RC3H1: variants seen among roughly 807,000 people sequenced by gnomAD.
RC3H1 encodes the protein ring finger and CCCH-type domains 1.
Under a neutral mutation model 138.2 loss-of-function variants are expected in RC3H1, and 50 were observed. That is an observed-to-expected ratio of 0.36 (90% CI 0.29 to 0.46). The LOEUF is 0.46. Ranked by LOEUF, RC3H1 falls within the 20% of genes least tolerant of loss-of-function variation. The probability of loss-of-function intolerance (pLI) is 1.00; values close to 1 mark genes in which losing one functional copy is unlikely to be tolerated. For synonymous variants in RC3H1, 462 were observed against 489.1 expected (o/e 0.94, Z 0.73); for missense variants, 1,031 against 1,388.1 (o/e 0.74, Z 4.09).
At chr1:173,982,658 GT>G in intron 5 of RC3H1, 68 bp downstream of exon 5, 1 of 1,374,304 alleles carries the variant, frequency 7.3e-7, no homozygotes, top group Non-Finnish European at 9.7e-7. Flanking sequence ...TAAACTCAAA[GT>G]TTTACTACTT....
intron 1 of RC3H1, among the ~76,000 whole-genome samples, chr1:174,002,509 C>A (rs928830443): frequency 1.6e-4 from 24 of 152,200 alleles, no homozygotes; most frequent in Non-Finnish European, 3.4e-4. Flanking sequence ...TCTTTCCCCA[C>A]TGGCATGCTT....
At chr1:173,948,927 AT>A (rs1659257083) in intron 14 of RC3H1, among the ~76,000 whole-genome samples, 1 of 151,932 alleles carries the variant, frequency 6.6e-6, no homozygotes, top group Non-Finnish European at 1.5e-5. Context: ...AATGAGTTTT[AT>A]TTTGCTAATA....
intron 18 of RC3H1, among the ~76,000 whole-genome samples, chr1:173,942,197 G>A (rs1053878782): frequency 4.0e-5 from 6 of 150,818 alleles, no homozygotes; most frequent in South Asian, 2.1e-4. Flanking sequence ...AGCTGAGATC[G>A]TGCCACTGCA....
At chr1:173,948,143 T>A (rs1160770710) in intron 14 of RC3H1, among the ~76,000 whole-genome samples, 1 of 152,182 alleles carries the variant, frequency 6.6e-6, no homozygotes, top group African/African-American at 2.4e-5. Flanking sequence ...TAATCACTTA[T>A]GCTAGATGCC....
chr1:173,954,821 A>C (rs1659563305), intron 13 of RC3H1, among the ~76,000 whole-genome samples: 2 of 152,182 alleles, frequency 1.3e-5, no homozygotes, highest in Admixed American at 1.3e-4. Context: ...AGAAACATTT[A>C]AAATTTTCTA....
rs1184402041 is a variant in RC3H1, at chr1:173,964,141, G to A, written c.1663C>T (p.His555Tyr). Residue 555 changes from histidine (H) to tyrosine (Y), a missense_variant, in exon 11 of 20, where the codon CAT becomes TAT. This residue lies in a region of RC3H1 where 716 missense variants were observed against 837.9 expected (regional missense o/e 0.85). Transcript: ENST00000367696. ...KSISALPVNP[H>Y]SIPPRGPADL... ...GCTGGCCCCCTTGGAGGTATAGAAT[G>A]TGGATTCACAGGTAAGGCAGAAATA... 1 of 1,614,098 alleles carries A rather than the reference G, an allele frequency of 6.2e-7. No individual in the cohort carries two copies. Among genetic ancestry groups the A allele is most frequent in the Non-Finnish European group, 8.5e-7 (1 of 1,179,984 alleles).
At chr1:174,008,784 C>G (rs1037787033) in intron 1 of RC3H1, among the ~76,000 whole-genome samples, 1 of 152,046 alleles carries the variant, frequency 6.6e-6, no homozygotes, top group Non-Finnish European at 1.5e-5. Flanking sequence ...TGAGACCAGC[C>G]TGACCAACAT....
chr1:173,992,697 CACAG>C (rs1553232043), intron 2 of RC3H1, 54 bp downstream of exon 2: 552 of 1,056,142 alleles, frequency 5.2e-4, no homozygotes, highest in Non-Finnish European at 6.1e-4. Flanking sequence ...CACACACACA[CACAG>C]AGAGAGAGAG....
chr1:173,947,054 G>T (rs1308337871), intron 15 of RC3H1, among the ~76,000 whole-genome samples: 1 of 152,106 alleles, frequency 6.6e-6, no homozygotes, highest in African/African-American at 2.4e-5. Flanking sequence ...TGAACTTTCA[G>T]TCTTTGTAGT....
chr1:173,980,817 T>C lies in RC3H1; in HGVS notation c.961A>G (p.Ile321Val), dbSNP rs1335909024. Residue 321 changes from isoleucine to valine, a missense_variant, in exon 6 of 20, where the codon ATT becomes GTT. Around this residue, in one of 7 missense-constraint regions of RC3H1, gnomAD observed 142 missense variants for 224.6 expected, o/e 0.63. Transcript: ENST00000367696. ...AACAAAAAAGGTCCTACCTTGTCAA[T>C]AATGGACTGCATATGAGATTTGTGA... Reference protein sequence around the residue: ...QSHKSHMQSIIDKLQTPASFA... With the variant: ...QSHKSHMQSIVDKLQTPASFA... 6.2e-7 allele frequency: 1 copy of C among 1,613,480 alleles called. No homozygotes were observed.
chr1:173,939,917 T>C (rs1157564250), intron 19 of RC3H1, among the ~76,000 whole-genome samples: 1 of 152,170 alleles, frequency 6.6e-6, no homozygotes, highest in African/African-American at 2.4e-5. Context: ...TTAGAAATTT[T>C]TGTTATATAT....
chr1:174,017,321 CTCTGG>C (rs1413077195), intron 1 of RC3H1, among the ~76,000 whole-genome samples: 8 of 152,136 alleles, frequency 5.3e-5, no homozygotes, highest in Non-Finnish European at 1.2e-4. Context: ...GAGCAAAACC[CTCTGG>C]GGTGATCAAA....
At chr1:173,970,861 A>G (rs977988854) in intron 8 of RC3H1, among the ~76,000 whole-genome samples, 2 of 152,142 alleles carry the variant, frequency 1.3e-5, no homozygotes, top group African/African-American at 4.8e-5. Flanking sequence ...TCAAACAAGT[A>G]GCATAATATA....
At chr1:173,982,615 T>C in intron 5 of RC3H1, 112 bp downstream of exon 5, 1 of 896,996 alleles carries the variant, frequency 1.1e-6, no homozygotes, top group Non-Finnish European at 1.6e-6. Flanking sequence ...GAAAAATTGC[T>C]GAGATTTTCT....
At chr1:173,952,609 A>G (rs74126476) in intron 13 of RC3H1, among the ~76,000 whole-genome samples, 4,983 of 152,222 alleles carry the variant, frequency 0.033, 100 homozygotes, top group Middle Eastern at 0.095. Context: ...TTTATAGTAC[A>G]TGATGATGTA....
intron 19 of RC3H1, among the ~76,000 whole-genome samples, chr1:173,940,496 T>A (rs1448163573): frequency 6.6e-6 from 1 of 152,010 alleles, no homozygotes; most frequent in East Asian, 1.9e-4. Context: ...AAAGATAATA[T>A]AATACACCAA....
At position 174,022,161 on chromosome 1, in the gene RC3H1, A is replaced by AGCCGCCGCCGCCGAGGCC. The variant is rs1553234332; in HGVS notation, c.-217_-216insGGCCTCGGCGGCGGCGGC. ...CCGCGGCCGTCGCCACCGCCGCGGC[A>AGCCGCCGCCGCCGAGGCC]GCCGCCGCCGCCGCCGAGGCCACCG... On this transcript the variant is annotated 5_prime_UTR_variant, in exon 1 of 20. Transcript: ENST00000367696. The surrounding 1 kb of genome is among the most constrained non-coding windows in gnomAD (Gnocchi z 4.2). 2.5e-6 allele frequency: 1 copy of AGCCGCCGCCGCCGAGGCC among 394,482 alleles called. No individual in the cohort carries two copies. Among genetic ancestry groups the AGCCGCCGCCGCCGAGGCC allele is most frequent in the African/African-American group, 2.1e-5 (1 of 48,152 alleles). 24.4% of individuals were successfully genotyped at this position (394,482 alleles called of 1,614,324 possible).
chr1:174,021,748 A>G (rs1431010398), intron 1 of RC3H1, among the ~76,000 whole-genome samples: 1 of 152,006 alleles, frequency 6.6e-6, no homozygotes, highest in Non-Finnish European at 1.5e-5. Context: ...TCCCGTGCGC[A>G]TTCCCCGCCT....
At chr1:173,941,099 G>A (rs1658836697) in intron 19 of RC3H1, among the ~76,000 whole-genome samples, 166 bp downstream of exon 19, 1 of 152,098 alleles carries the variant, frequency 6.6e-6, no homozygotes, top group African/African-American at 2.4e-5. Flanking sequence ...GATTACAGGC[G>A]TGAGCCACTG....
Sources: allele counts gnomAD v4.1 joint callset (sites outside exome capture counted in the v4.1 genomes callset), GRCh38; gene constraint gnomAD v4.1.1; regional missense constraint gnomAD v4.1.1; non-coding constraint Gnocchi (gnomAD v3.1); transcripts MANE v1.5; gene names NCBI Gene and HGNC (gene_info 2026-07-23, HGNC 2026-07-21).